JAZF1: variants seen among roughly 807,000 people sequenced by gnomAD.
JAZF1 encodes the protein juxtaposed with another zinc finger protein 1.
A neutral mutation model predicts 26.4 loss-of-function variants in JAZF1; 8 were observed. The ratio of observed to expected loss-of-function variants is 0.30; its 90% confidence interval spans 0.18 to 0.55. JAZF1 has a LOEUF of 0.55. Ranked by LOEUF, JAZF1 falls within the 20% of genes least tolerant of loss-of-function variation. The pLI is 0.94. For missense variants in JAZF1, 199 were observed against 322.0 expected, an observed-to-expected ratio of 0.62 and a Z score of 2.92; for synonymous variants, 126 against 122.3, an observed-to-expected ratio of 1.03 and a Z score of -0.20.
chr7:28,097,256 T>C (rs1482255995), intron 1 of JAZF1, among the ~76,000 whole-genome samples: 3 of 152,214 alleles, frequency 2.0e-5, no homozygotes, highest in Non-Finnish European at 4.4e-5. Flanking sequence ...TAACTGCATG[T>C]TACCACAGTT....
intron 1 of JAZF1, among the ~76,000 whole-genome samples, chr7:28,114,829 G>A (rs1030548345): frequency 5.9e-5 from 9 of 151,848 alleles, no homozygotes; most frequent in Non-Finnish European, 1.2e-4. Context: ...ATCAAAAAAG[G>A]TGCCACGTGA....
At chr7:27,935,076 A>C (rs1336708062) in intron 2 of JAZF1, among the ~76,000 whole-genome samples, 1 of 152,268 alleles carries the variant, frequency 6.6e-6, no homozygotes, top group Non-Finnish European at 1.5e-5. Context: ...AAGATATACA[A>C]ATGCCAATAA....
chr7:27,835,932 CATTT>C (rs1782801985), intron 4 of JAZF1, among the ~76,000 whole-genome samples: 1 of 152,120 alleles, frequency 6.6e-6, no homozygotes, highest in Non-Finnish European at 1.5e-5. Flanking sequence ...AAGTTGCTAA[CATTT>C]ATTAAGAGCT....
intron 3 of JAZF1, among the ~76,000 whole-genome samples, chr7:27,867,155 G>A (rs1261802721): frequency 6.6e-6 from 1 of 152,132 alleles, no homozygotes; most frequent in African/African-American, 2.4e-5. Context: ...CAGACAGGGT[G>A]GATATTTTTA....
chr7:27,856,923 T>G (rs1783269414), intron 3 of JAZF1, among the ~76,000 whole-genome samples: 1 of 152,212 alleles, frequency 6.6e-6, no homozygotes, highest in Non-Finnish European at 1.5e-5. Flanking sequence ...ACTGGTGTAT[T>G]TACAATCCCT....
chr7:28,144,841 T>C (rs1413459733), intron 1 of JAZF1, among the ~76,000 whole-genome samples: 1 of 152,142 alleles, frequency 6.6e-6, no homozygotes. Context: ...CAAAGGTAAA[T>C]CTGCTGGAAA....
chr7:28,043,813 A>G (rs1409855614), intron 1 of JAZF1, among the ~76,000 whole-genome samples: 2 of 152,140 alleles, frequency 1.3e-5, no homozygotes, highest in Non-Finnish European at 2.9e-5. Context: ...AAAAAAAAAG[A>G]TGTACTGATG....
intron 2 of JAZF1, among the ~76,000 whole-genome samples, chr7:27,932,327 A>C (rs150712277): frequency 6.6e-6 from 1 of 152,218 alleles, no homozygotes; most frequent in South Asian, 2.1e-4. Flanking sequence ...TGTTTGAAGT[A>C]GCATAATCTT....
At chr7:27,993,344 C>G (rs1785943772) in intron 1 of JAZF1, among the ~76,000 whole-genome samples, 1 of 152,142 alleles carries the variant, frequency 6.6e-6, no homozygotes, top group Non-Finnish European at 1.5e-5. Flanking sequence ...TTCCTCAGTA[C>G]ACATGCAACT....
chr7:28,024,009 G>A lies in JAZF1; in HGVS notation c.116-32028C>T, dbSNP rs1004460305. ...GCAGTAAAAGAAATATCTAGGGCTAGGCACAGTGGCTCATGCCTGACATGC... is the reference window on the plus strand; with the variant it reads ...GCAGTAAAAGAAATATCTAGGGCTAAGCACAGTGGCTCATGCCTGACATGC... On this transcript the variant is annotated intron_variant, in intron 1 of 4. Transcript: ENST00000283928. Among the ~76,000 whole-genome samples, 6 of 152,178 alleles carry A rather than the reference G, an allele frequency of 3.9e-5. No individual in the cohort carries two copies. The East Asian group carries it at 1.2e-3, about 29-fold the overall frequency.
At chr7:27,852,290 C>T (rs1354043486) in intron 3 of JAZF1, among the ~76,000 whole-genome samples, 1 of 151,982 alleles carries the variant, frequency 6.6e-6, no homozygotes, top group Non-Finnish European at 1.5e-5. Context: ...CGCCCCAACA[C>T]CTGGCTAATT....
chr7:27,870,807 G>A (rs1372262596), intron 3 of JAZF1, among the ~76,000 whole-genome samples: 1 of 152,136 alleles, frequency 6.6e-6, no homozygotes, highest in East Asian at 1.9e-4. Flanking sequence ...TGCTCGGGAG[G>A]CTGCTTAAAA....
chr7:28,158,168 A>AACACACACACAC lies in JAZF1; in HGVS notation c.115+22283_115+22294dup, dbSNP rs759047365. On this transcript the variant is annotated intron_variant, in intron 1 of 4. Coordinates refer to ENST00000283928, the MANE Select transcript of JAZF1 (RefSeq NM_175061.4). The stretch of plus-strand genomic sequence containing the variant: ...ACGCGCGCACACACACACACACACA[A>AACACACACACAC]ACACACACACACACACACAGAGAGA... Among the ~76,000 whole-genome samples the AACACACACACAC allele has an allele frequency of 2.7e-4, 39 of 142,488 alleles. No homozygotes were observed. In the East Asian group the frequency reaches 5.7e-3, roughly 21 times the overall value. 93.5% of individuals were successfully genotyped at this position (142,488 alleles called of 152,430 possible). A position where few individuals can be genotyped will look rare whatever the true frequency, so the allele number is the denominator to read the frequency against.
At chr7:28,068,217 G>GTTTTT (rs551935511) in intron 1 of JAZF1, among the ~76,000 whole-genome samples, 1 of 124,508 alleles carries the variant, frequency 8.0e-6, no homozygotes, top group Non-Finnish European at 1.7e-5. Context: ...GCTCAGCCTA[G>GTTTTT]TTTTTTTTTT....
intron 1 of JAZF1, among the ~76,000 whole-genome samples, chr7:27,995,554 G>A (rs1382821357): frequency 6.6e-6 from 1 of 152,076 alleles, no homozygotes; most frequent in African/African-American, 2.4e-5. Flanking sequence ...CAGATTTCAG[G>A]TTGACTGGAG....
intron 1 of JAZF1, among the ~76,000 whole-genome samples, chr7:28,154,939 T>TA (rs201795296): frequency 3.4e-4 from 51 of 150,006 alleles, no homozygotes; most frequent in African/African-American, 7.8e-4. Flanking sequence ...GGCAAAACAT[T>TA]AAAAAAAAAG....
At chr7:28,076,743 ATGAG>A (rs990382100) in intron 1 of JAZF1, among the ~76,000 whole-genome samples, 27 of 151,988 alleles carry the variant, frequency 1.8e-4, no homozygotes, top group Non-Finnish European at 2.4e-4. Context: ...CCGTGTGGAA[ATGAG>A]TAAGTTAATA....
intron 3 of JAZF1, among the ~76,000 whole-genome samples, chr7:27,849,752 G>GACACAGACACAGACACACACACACAC (rs61688947): frequency 9.2e-6 from 1 of 108,444 alleles, no homozygotes; most frequent in African/African-American, 4.3e-5. Flanking sequence ...CTTACACACA[G>GACACAGACACAGACACACACACACAC]ACACACACAC....
At chr7:28,121,370 C>T (rs764207982) in intron 1 of JAZF1, among the ~76,000 whole-genome samples, 9 of 152,010 alleles carry the variant, frequency 5.9e-5, no homozygotes, top group Non-Finnish European at 1.2e-4. Flanking sequence ...GATCTACAAG[C>T]GCAAAGTAAG....
Sources: allele counts gnomAD v4.1 joint callset (sites outside exome capture counted in the v4.1 genomes callset), GRCh38; gene constraint gnomAD v4.1.1; transcripts MANE v1.5; gene names NCBI Gene and HGNC (gene_info 2026-07-23, HGNC 2026-07-21).